DAB1: variants seen among roughly 807,000 people sequenced by gnomAD.
DAB1 encodes DAB adaptor protein 1, also known as disabled homolog 1.
In DAB1, 15 loss-of-function variants were observed where a neutral mutation model predicts 64.6. That is an observed-to-expected ratio of 0.23 (90% CI 0.16 to 0.36). The LOEUF (loss-of-function observed/expected upper bound fraction) is 0.36. DAB1 is among the 10% of genes least tolerant of loss of function. DAB1 has a pLI of 1.00. For synonymous variants in DAB1, 235 were observed against 251.9 expected (o/e 0.93, Z 0.64); for missense variants, 596 against 706.7 (o/e 0.84, Z 1.78).
intron 5 of DAB1, among the ~76,000 whole-genome samples, chr1:58,086,157 G>T (rs1650296239): frequency 6.6e-6 from 1 of 151,306 alleles, no homozygotes; most frequent in South Asian, 2.1e-4. Flanking sequence ...TAGAGACGGG[G>T]TTTCACCGTT....
intron 5 of DAB1, among the ~76,000 whole-genome samples, chr1:58,007,549 T>C (rs1646603546): frequency 6.6e-6 from 1 of 152,216 alleles, no homozygotes; most frequent in Non-Finnish European, 1.5e-5. Context: ...CGGGCAACAT[T>C]GGCAGGGCTC....
At chr1:57,462,170 A>G (rs1686806285) in intron 7 of DAB1, among the ~76,000 whole-genome samples, 1 of 151,950 alleles carries the variant, frequency 6.6e-6, no homozygotes, top group African/African-American at 2.4e-5. Context: ...GCTGGTCTCG[A>G]ACTCCTGACC....
At chr1:57,573,477 G>A (rs1302868862) in intron 7 of DAB1, among the ~76,000 whole-genome samples, 1 of 152,168 alleles carries the variant, frequency 6.6e-6, no homozygotes, top group Non-Finnish European at 1.5e-5. Context: ...AAAACCTAAA[G>A]GGAGAGCAAA....
intron 2 of DAB1, among the ~76,000 whole-genome samples, chr1:57,240,309 A>G (rs1668407829): frequency 6.6e-6 from 1 of 152,204 alleles, no homozygotes; most frequent in South Asian, 2.1e-4. Flanking sequence ...AAAACAAATA[A>G]TAATACACTT....
intron 9 of DAB1, among the ~76,000 whole-genome samples, chr1:57,055,775 T>A (rs547082004): frequency 1.3e-5 from 2 of 149,942 alleles, no homozygotes; most frequent in African/African-American, 5.1e-5. Flanking sequence ...AATTTATTCA[T>A]GCATACATTT....
intron 5 of DAB1, among the ~76,000 whole-genome samples, chr1:57,975,550 G>A (rs1271884108): frequency 2.0e-5 from 3 of 152,192 alleles, no homozygotes; most frequent in African/African-American, 7.2e-5. Context: ...GAATGTGCAA[G>A]ATATAGCAGC....
intron 7 of DAB1, among the ~76,000 whole-genome samples, chr1:57,481,403 C>T (rs1433213090): frequency 1.1e-4 from 16 of 152,124 alleles, no homozygotes; most frequent in Admixed American, 1.0e-3. Context: ...TTGTTTACTC[C>T]AAGAATTTTA....
chr1:57,659,808 C>G (rs1052612211), intron 6 of DAB1, among the ~76,000 whole-genome samples: 19 of 151,898 alleles, frequency 1.3e-4, no homozygotes, highest in Admixed American at 7.9e-4. Flanking sequence ...GAAACCCCAT[C>G]TCTACTAAAA....
rs1017192825 is a variant in DAB1 at position 57,102,891 on chromosome 1, C to T, written c.307-30477G>A. Among the ~76,000 whole-genome samples, 4 of 152,148 alleles carry T rather than the reference C, an allele frequency of 2.6e-5. No individual in the cohort carries two copies. The East Asian group carries it at 5.8e-4, about 22-fold the overall frequency. On this transcript the variant is annotated intron_variant, in intron 4 of 14. Coordinates refer to ENST00000371236, the MANE Select transcript of DAB1 (RefSeq NM_001365792.1). ...CTGTCAGCTCAGTAGATTTCTGCATCGTGCCAGGCCCAAGGAAGCTCCTAT... is the reference window on the plus strand; with the variant it reads ...CTGTCAGCTCAGTAGATTTCTGCATTGTGCCAGGCCCAAGGAAGCTCCTAT...
At chr1:57,531,407 TGCACCCAG>T (rs1644661580) in intron 7 of DAB1, among the ~76,000 whole-genome samples, 1 of 152,076 alleles carries the variant, frequency 6.6e-6, no homozygotes, top group African/African-American at 2.4e-5. Context: ...TCAGCCCACC[TGCACCCAG>T]GTGATTAAAA....
At chr1:57,813,501 G>A (rs140303004) in intron 6 of DAB1, among the ~76,000 whole-genome samples, 7 of 152,318 alleles carry the variant, frequency 4.6e-5, no homozygotes, top group Non-Finnish European at 8.8e-5. Flanking sequence ...AGAGGAACAG[G>A]CAGATGTGTA....
chr1:57,756,741 T>C (rs1648828474), intron 6 of DAB1, among the ~76,000 whole-genome samples: 2 of 151,852 alleles, frequency 1.3e-5, no homozygotes, highest in South Asian at 2.1e-4. Context: ...AAAGTTGAAG[T>C]CCAGAAAGGA....
chr1:57,869,232 A>G (rs762550631), intron 1 of DAB1, among the ~76,000 whole-genome samples: 1 of 152,138 alleles, frequency 6.6e-6, no homozygotes, highest in African/African-American at 2.4e-5. Context: ...AATTACCTGC[A>G]GGGATTAAAT....
chr1:57,725,961 C>T (rs1429221051), intron 6 of DAB1, among the ~76,000 whole-genome samples: 2 of 152,030 alleles, frequency 1.3e-5, no homozygotes, highest in Non-Finnish European at 2.9e-5. Context: ...ACCATGTTGC[C>T]CAGGCTGGTC....
At chr1:57,349,797 T>G (rs1429776202) in intron 1 of DAB1, among the ~76,000 whole-genome samples, 1 of 152,160 alleles carries the variant, frequency 6.6e-6, no homozygotes, top group Admixed American at 6.6e-5. Context: ...CTAATTATAC[T>G]CATTGGCAGT....
chr1:58,522,555 T>C (rs1332638930), intron 2 of DAB1, among the ~76,000 whole-genome samples: 2 of 152,160 alleles, frequency 1.3e-5, no homozygotes, highest in African/African-American at 4.8e-5. Flanking sequence ...TTTTGGCTAT[T>C]GCAATAAAGC....
chr1:57,508,057 CGAGGATGGTCT>C (rs1644365633), intron 7 of DAB1, among the ~76,000 whole-genome samples: 1 of 152,184 alleles, frequency 6.6e-6, no homozygotes, highest in Admixed American at 6.5e-5. Context: ...TGCATAATTC[CGAGGATGGTCT>C]GAGGACCACA....
At chr1:58,250,498 G>A (rs1342881991) in intron 4 of DAB1, among the ~76,000 whole-genome samples, 3 of 152,208 alleles carry the variant, frequency 2.0e-5, no homozygotes, top group African/African-American at 2.4e-5. Context: ...CAGCAGTAGA[G>A]ATAGTGCCGG....
At chr1:58,442,827 G>T (rs1645026984) in intron 3 of DAB1, among the ~76,000 whole-genome samples, 2 of 152,140 alleles carry the variant, frequency 1.3e-5, no homozygotes, top group African/African-American at 4.8e-5. Context: ...TGAGGCTGCA[G>T]TAAGCTGTGT....
Sources: allele counts gnomAD v4.1 joint callset (sites outside exome capture counted in the v4.1 genomes callset), GRCh38; gene constraint gnomAD v4.1.1; transcripts MANE v1.5; gene names NCBI Gene and HGNC (gene_info 2026-07-23, HGNC 2026-07-21).